The following ANKRD49 variants were observed in gnomAD, a reference collection of about 807,000 sequenced individuals.
ANKRD49 encodes the protein ankyrin repeat domain 49.
A neutral mutation model predicts 19.6 loss-of-function variants in ANKRD49; 18 were observed. The ratio of observed to expected loss-of-function variants is 0.92; its 90% CI spans 0.63 to 1.36. ANKRD49 has a LOEUF of 1.36. ANKRD49 is among the 40% of genes most tolerant of loss of function. The pLI is 0.00. For synonymous variants in ANKRD49, 88 were observed against 101.8 expected, an observed-to-expected ratio of 0.86 and a Z score of 0.82; for missense variants, 218 against 281.6, an observed-to-expected ratio of 0.77 and a Z score of 1.62.
At chr11:94,497,255 A>G in intron 2 of ANKRD49, 1 of 512,698 alleles carries the variant, frequency 2.0e-6, no homozygotes, top group Non-Finnish European at 3.4e-6. Context: ...AAAACTAACT[A>G]TACCAGGTAC....
rs748060873 is a variant in ANKRD49, at chr11:94,498,717, CTT to C, written c.*187_*188del. The C allele has an allele frequency of 6.7e-6, 4 of 599,396 alleles. No homozygotes were observed. The highest frequency in any genetic ancestry group is 1.2e-5 in the Non-Finnish European group (4 of 345,372). The allele number at this position is 599,396 out of a possible 1,614,324, so 37.1% of individuals were successfully genotyped here. A position where few individuals can be genotyped will look rare whatever the true frequency, so the allele number is the denominator to read the frequency against. On this transcript the variant is annotated 3_prime_UTR_variant, in exon 3 of 3. Coordinates refer to ENST00000544612, the MANE Select transcript of ANKRD49 (RefSeq NM_017704.3). ...GTATTTGAAAGTAATTTGCATATAT[CTT>C]TAATTATTTCTGTGGAGTTTGTGAT...
At chr11:94,494,653 T>C (rs2135157162) in intron 1 of ANKRD49, among the ~76,000 whole-genome samples, 2 of 152,316 alleles carry the variant, frequency 1.3e-5, no homozygotes, top group South Asian at 4.1e-4. Context: ...GTTTTGTTTC[T>C]TAACTGTAAG....
At chr11:94,496,321 T>C (rs1947417793) in intron 1 of ANKRD49, among the ~76,000 whole-genome samples, 1 of 152,238 alleles carries the variant, frequency 6.6e-6, no homozygotes, top group Admixed American at 6.5e-5. Context: ...CATTCATCAC[T>C]GTTAGCATAA....
rs978850553 is a variant in ANKRD49, at chr11:94,494,626, T to G, written c.-91+591T>G. On this transcript the variant is annotated intron_variant, in intron 1 of 2. Transcript: ENST00000544612. The stretch of plus-strand genomic sequence containing the variant: ...CATTCCTGATGGAATATCAGGAATA[T>G]CATCATCAAGTCATCAGTTTTGTTT... 2.0e-5 allele frequency among the ~76,000 whole-genome samples: 3 copies of G among 152,126 alleles called. 1 individual carries two copies. Among genetic ancestry groups the G allele is most frequent in the African/African-American group, 7.2e-5 (3 of 41,396 alleles).
intron 2 of ANKRD49, 81 bp downstream of exon 2, chr11:94,497,032 T>A (rs546706480): frequency 1.3e-6 from 2 of 1,560,270 alleles, no homozygotes; most frequent in Non-Finnish European, 1.8e-6. Context: ...TTTACTGTTA[T>A]GGCCATCATA....
At chr11:94,496,285 ATTAG>A (rs1947417273) in intron 1 of ANKRD49, among the ~76,000 whole-genome samples, 1 of 152,182 alleles carries the variant, frequency 6.6e-6, no homozygotes. Flanking sequence ...TCTTCATTGT[ATTAG>A]TTATACTTCA....
At chr11:94,496,010 G>A (rs1947413419) in intron 1 of ANKRD49, among the ~76,000 whole-genome samples, 1 of 152,178 alleles carries the variant, frequency 6.6e-6, no homozygotes, top group South Asian at 2.1e-4. Context: ...AAGAACTATA[G>A]TTGCCTATCA....
chr11:94,498,892 C>T lies in ANKRD49; in HGVS notation c.*360C>T, dbSNP rs563048624. On this transcript the variant is annotated 3_prime_UTR_variant, in exon 3 of 3. Coordinates refer to ENST00000544612, the MANE Select transcript of ANKRD49 (RefSeq NM_017704.3). The stretch of plus-strand genomic sequence containing the variant: ...CTTTGTTGGGTATTTAGTATATTGA[C>T]ATATATTTTTATAAGGTGAGGTAAC... 1 of 208,566 alleles carries T rather than the reference C, an allele frequency of 4.8e-6. No homozygotes were observed. Among genetic ancestry groups the T allele is most frequent in the South Asian group, 8.8e-5 (1 of 11,322 alleles). The allele number at this position is 208,566 out of a possible 1,614,324, so 12.9% of individuals were successfully genotyped here.
At chr11:94,497,374 G>A (rs140869347) in intron 2 of ANKRD49, 2 of 249,936 alleles carry the variant, frequency 8.0e-6, no homozygotes, top group Non-Finnish European at 1.5e-5. Flanking sequence ...CAGGATCATC[G>A]AAGTGGAATG....
chr11:94,498,241 G>A lies in ANKRD49; in HGVS notation c.429G>A (p.Thr143=), dbSNP rs200769786. 4.2e-5 allele frequency: 68 copies of A among 1,614,126 alleles called. No homozygotes were observed. In the Admixed American group the frequency reaches 4.5e-4, roughly 11 times the overall value. The change falls in exon 3 of 3, where the codon ACG becomes ACA. Residue 143 remains threonine (T), a synonymous_variant. Transcript: ENST00000544612. ...ATGCAGTGACTGTGGATGGCTGGACGCCCCTGCACAGTGCTTGTAAGTGGA... is the reference window on the plus strand; with the variant it reads ...ATGCAGTGACTGTGGATGGCTGGACACCCCTGCACAGTGCTTGTAAGTGGA... ...DVHAVTVDGW[T]PLHSACKWNN...
intron 2 of ANKRD49, chr11:94,497,312 ATTC>A (rs1300929240): frequency 1.5e-5 from 6 of 400,100 alleles, no homozygotes; most frequent in African/African-American, 8.2e-5. Flanking sequence ...TATAAGTAAT[ATTC>A]TTCTCTTTTA....
Position 94,496,860 on chromosome 11 carries a change from A to T in ANKRD49, c.167A>T (p.Asp56Val). The T allele has an allele frequency of 6.2e-7, 1 of 1,613,996 alleles. No homozygotes were observed. The highest frequency in any genetic ancestry group is 1.1e-5 in the South Asian group (1 of 91,070). Reference protein sequence around the residue: ...VGNSDEDEEQDDKNEEWYRLQ... With the variant: ...VGNSDEDEEQVDKNEEWYRLQ... ...AATTCTGATGAAGATGAGGAGCAAGATGACAAAAATGAAGAGTGGTATCGA... is the reference window on the plus strand; with the variant it reads ...AATTCTGATGAAGATGAGGAGCAAGTTGACAAAAATGAAGAGTGGTATCGA... The change falls in exon 2 of 3, where the codon GAT becomes GTT. Residue 56 changes from aspartate (D) to valine (V), a missense_variant. Physicochemically the swap from Asp to Val is radical, Grantham distance 152 (BLOSUM62 -3). Coordinates refer to ENST00000544612, the MANE Select transcript of ANKRD49 (RefSeq NM_017704.3).
At position 94,498,668 on chromosome 11, in the gene ANKRD49, A is replaced by G. The variant is rs920643536; in HGVS notation, c.*136A>G. 4.1e-6 allele frequency: 3 copies of G among 737,194 alleles called. No individual in the cohort carries two copies. The highest frequency in any genetic ancestry group is 6.7e-6 in the Non-Finnish European group (3 of 449,414). The allele number at this position is 737,194 out of a possible 1,614,324, so 45.7% of individuals were successfully genotyped here. A position where few individuals can be genotyped will look rare whatever the true frequency, so the allele number is the denominator to read the frequency against. ...TTCATTATAACATTCTTCCAAGTGA[A>G]TTGCCTGACTTTGATGTCAAAATGT... On this transcript the variant is annotated 3_prime_UTR_variant, in exon 3 of 3. Coordinates refer to ENST00000544612, the MANE Select transcript of ANKRD49 (RefSeq NM_017704.3).
intron 2 of ANKRD49, 178 bp downstream of exon 2, chr11:94,497,129 G>A: frequency 2.6e-6 from 2 of 767,976 alleles, no homozygotes; most frequent in South Asian, 1.7e-5. Flanking sequence ...GTATTATTTG[G>A]GGGTTTAAGG....
chr11:94,494,241 C>T (rs949655559), intron 1 of ANKRD49: 1 of 152,272 alleles, frequency 6.6e-6, no homozygotes, highest in Non-Finnish European at 1.5e-5. Context: ...GGCCTGTGAG[C>T]TCCCGGCTGG....
Position 94,498,671 on chromosome 11 carries a change from G to T in ANKRD49, c.*139G>T. 2.8e-6 allele frequency: 2 copies of T among 718,620 alleles called. No homozygotes were observed. Among genetic ancestry groups the T allele is most frequent in the Non-Finnish European group, 2.3e-6 (1 of 435,056 alleles). The allele number at this position is 718,620 out of a possible 1,614,324, so 44.5% of individuals were successfully genotyped here. A position where few individuals can be genotyped will look rare whatever the true frequency, so the allele number is the denominator to read the frequency against. ...ATTATAACATTCTTCCAAGTGAATT[G>T]CCTGACTTTGATGTCAAAATGTATT... On this transcript the variant is annotated 3_prime_UTR_variant, in exon 3 of 3. Transcript: ENST00000544612.
At chr11:94,496,543 T>C (rs1947420876) in intron 1 of ANKRD49, 61 bp from the exon 2 acceptor site, 1 of 680,648 alleles carries the variant, frequency 1.5e-6, no homozygotes, top group Non-Finnish European at 2.4e-6. Flanking sequence ...AAGACTTATC[T>C]ATGCAGTTGA....
Position 94,498,535 on chromosome 11 carries a change from A to G in ANKRD49, c.*3A>G. ...CAAATTCTTCACCTCAGTCTTAACA[A>G]TTCTAGTAATTTTCCTAAGTTTCTA... On this transcript the variant is annotated 3_prime_UTR_variant, in exon 3 of 3. Transcript: ENST00000544612. The G allele has an allele frequency of 6.3e-7, 1 of 1,597,800 alleles. No individual in the cohort carries two copies. The highest frequency in any genetic ancestry group is 1.7e-4 in the Middle Eastern group (1 of 5,950).
chr11:94,497,569 GT>G (rs1314335699), intron 2 of ANKRD49: 1 of 155,934 alleles, frequency 6.4e-6, no homozygotes, highest in African/African-American at 2.4e-5. Flanking sequence ...CTAAAAGGTT[GT>G]TTCTAAGGTT....
Sources: gnomAD v4.1 joint callset for allele counts (sites outside exome capture counted in the v4.1 genomes callset) on GRCh38, gnomAD v4.1.1 for gene constraint, MANE v1.5 for transcripts, NCBI Gene and HGNC (gene_info 2026-07-23, HGNC 2026-07-21) for gene names.